Variants in ZSCAN12 observed in about 807,000 individuals in gnomAD.
ZSCAN12 encodes the protein zinc finger and SCAN domain containing 12, also known as zinc finger and SCAN domain-containing protein 12.
ZSCAN12 carries 18 observed loss-of-function variants against 23.4 expected under a neutral mutation model. The observed-to-expected ratio is 0.77, with a 90% confidence interval of 0.53 to 1.14. ZSCAN12 has a LOEUF of 1.14. Among genes scored for constraint, ZSCAN12 ranks in the 50% most tolerant of loss-of-function variants. The pLI is 0.00. For missense variants in ZSCAN12, 650 were observed against 735.0 expected, an observed-to-expected ratio of 0.88 and a Z score of 1.34; for synonymous variants, 186 against 253.4, an observed-to-expected ratio of 0.73 and a Z score of 2.53.
rs1280971850 is a variant in ZSCAN12 at position 28,398,207 on chromosome 6, G to C, written c.199C>G (p.Leu67Val). The C allele has an allele frequency of 6.2e-7, 1 of 1,614,110 alleles. No individual in the cohort carries two copies. Among genetic ancestry groups the C allele is most frequent in the East Asian group, 2.2e-5 (1 of 44,868 alleles). The change falls in exon 2 of 4, where the codon CTC (leucine) becomes GTC (valine). Residue 67 changes from leucine (L) to valine (V), a missense_variant. Transcript: ENST00000684592. ...TSGPREALSR[L>V]RELCHQWLRP... ...AGCCACTGATGGCAAAGTTCTCGGA[G>C]TCGGCTCAAAGCCTCACGGGGACCA... is the stretch of plus-strand genomic sequence containing the variant.
Position 28,398,380 on chromosome 6 carries a change from G to GC in ZSCAN12, c.25dup (p.Ala9GlyfsTer7). The GC allele has an allele frequency of 6.5e-7, 1 of 1,550,026 alleles. No homozygotes were observed. Among genetic ancestry groups the GC allele is most frequent in the Non-Finnish European group, 8.7e-7 (1 of 1,146,046 alleles). ...CAAAGGTTCATCCTGGTCCATGTGGGCCTGGATAGCCCAAGTAGATGCCAT... is the reference window on the plus strand; with the variant it reads ...CAAAGGTTCATCCTGGTCCATGTGGGCCCTGGATAGCCCAAGTAGATGCCAT... On this transcript the variant is annotated frameshift_variant, in exon 2 of 4. Transcript: ENST00000684592. LOFTEE classifies it high-confidence loss of function.
At chr6:28,396,514 A>C (rs1241513169) in intron 2 of ZSCAN12, among the ~76,000 whole-genome samples, 1 of 152,174 alleles carries the variant, frequency 6.6e-6, no homozygotes, top group Non-Finnish European at 1.5e-5. Flanking sequence ...TAATAGAGCT[A>C]ATCTGTCATC....
At chr6:28,397,334 T>TTC (rs36070654) in intron 2 of ZSCAN12, among the ~76,000 whole-genome samples, 34,991 of 152,114 alleles carry the variant, frequency 0.23, 4,813 homozygotes, top group African/African-American at 0.38. Context: ...CATAATTTGG[T>TTC]TCTCTTTTAC....
At chr6:28,382,635 C>G, downstream of ZSCAN12, 1 of 1,548,606 alleles carries the variant, frequency 6.5e-7, no homozygotes, top group Non-Finnish European at 8.7e-7. Flanking sequence ...ACAATGTTAA[C>G]AGAAGCTAAA....
At position 28,391,206 on chromosome 6, in the gene ZSCAN12, C is replaced by T; in HGVS notation, c.1084G>A (p.Asp362Asn). The change falls in exon 4 of 4, where the codon GAC (aspartate) becomes AAC (asparagine). Residue 362 changes from aspartate to asparagine, a missense_variant. By Grantham distance (23) the Asp-to-Asn change is conservative (BLOSUM62 1). Coordinates refer to ENST00000684592, the MANE Select transcript of ZSCAN12 (RefSeq NM_001163391.2). The surrounding 1 kb of genome is among the most constrained non-coding windows in gnomAD (Gnocchi z 4.1). The part of the protein sequence containing the change: ...HTGEKHYHCN[D>N]CGKAFSQKAG... ...TTCTGACTAAAGGCTTTGCCACAGT[C>T]ATTACAGTGATAGTGTTTTTCTCCT... 6.4e-7 allele frequency: 1 copy of T among 1,551,914 alleles called. No individual in the cohort carries two copies. Among genetic ancestry groups the T allele is most frequent in the South Asian group, 1.2e-5 (1 of 84,042 alleles).
intron 2 of ZSCAN12, 58 bp downstream of exon 2, chr6:28,397,946 T>G (rs1581786207): frequency 1.4e-6 from 2 of 1,477,594 alleles, no homozygotes; most frequent in Middle Eastern, 3.6e-4. Context: ...TTCTTCACTC[T>G]GGCCTAGAAA....
rs747713304 is a variant in ZSCAN12 at position 28,391,386 on chromosome 6, A to G, written c.904T>C (p.Tyr302His). The G allele has an allele frequency of 1.3e-6, 2 of 1,551,736 alleles. No individual in the cohort carries two copies. Among genetic ancestry groups the G allele is most frequent in the South Asian group, 2.4e-5 (2 of 84,044 alleles). ...HQRIHTGDRPYKCEECGKAFR... is the reference protein window; with the variant it reads ...HQRIHTGDRPHKCEECGKAFR... ...GCTTTTCCACATTCTTCGCATTTGTAGGGTCTATCTCCAGTATGGATCCTC... is the reference window on the plus strand; with the variant it reads ...GCTTTTCCACATTCTTCGCATTTGTGGGGTCTATCTCCAGTATGGATCCTC... The change falls in exon 4 of 4, where the codon TAC (tyrosine) becomes CAC (histidine). Residue 302 changes from tyrosine (Y) to histidine (H), a missense_variant. By Grantham distance (83) the Tyr-to-His change is moderately conservative (BLOSUM62 2). Coordinates refer to ENST00000684592, the MANE Select transcript of ZSCAN12 (RefSeq NM_001163391.2). The surrounding 1 kb of genome is among the most constrained non-coding windows in gnomAD (Gnocchi z 4.1).
rs1761226427 is a variant in ZSCAN12 at position 28,398,286 on chromosome 6, A to AAC, written c.119_120insGT (p.His40GlnfsTer26). ...AGTACTGACGGAAGACCTCTCTGCT[A>AAC]TGGGTGTTGTTTTTACGCAGGTCCC... On this transcript the variant is annotated frameshift_variant, in exon 2 of 4. Coordinates refer to ENST00000684592, the MANE Select transcript of ZSCAN12 (RefSeq NM_001163391.2). LOFTEE classifies it high-confidence loss of function. 9 of 1,603,382 alleles carry AAC rather than the reference A, an allele frequency of 5.6e-6. No homozygotes were observed. Among genetic ancestry groups the AAC allele is most frequent in the African/African-American group, 1.3e-5 (1 of 74,678 alleles).
In ZSCAN12 at chr6:28,390,819, G is replaced by A. The variant is rs757056623; in HGVS notation, c.1471C>T (p.His491Tyr). ...CATTTATAGGGTCTTTCTCCAGTGT[G>A]AATTCGCTGATGTTCTGTAAGACTT... Reference protein sequence around the residue: ...RTSLTEHQRIHTGERPYKCDK... With the variant: ...RTSLTEHQRIYTGERPYKCDK... Residue 491 changes from histidine (H) to tyrosine (Y), a missense_variant, in exon 4 of 4, where the codon CAC becomes TAC. Physicochemically the swap from His to Tyr is moderately conservative, Grantham distance 83 (BLOSUM62 2). Transcript: ENST00000684592. 2 of 1,597,776 alleles carry A rather than the reference G, an allele frequency of 1.3e-6. No homozygotes were observed. The highest frequency in any genetic ancestry group is 3.5e-5 in the Admixed American group (2 of 57,118).
rs766721965 is a variant in ZSCAN12, at chr6:28,398,135, G to C, written c.271C>G (p.Leu91Val). Residue 91 changes from leucine (L) to valine (V), a missense_variant, in exon 2 of 4, where the codon CTG becomes GTG. By Grantham distance (32) the Leu-to-Val change is conservative (BLOSUM62 1). Coordinates refer to ENST00000684592, the MANE Select transcript of ZSCAN12 (RefSeq NM_001163391.2). Reference protein sequence around the residue: ...TKEQILELLVLEQFLTILPEE... With the variant: ...TKEQILELLVVEQFLTILPEE... Reference sequence around the variant, plus strand: ...GGTAGGATGGTCAGGAACTGCTCCAGCACCAGCAGCTCCAGAATCTGTTCT... The same window carrying C: ...GGTAGGATGGTCAGGAACTGCTCCACCACCAGCAGCTCCAGAATCTGTTCT... 4.3e-6 allele frequency: 7 copies of C among 1,613,972 alleles called. No individual in the cohort carries two copies. Among genetic ancestry groups the C allele is most frequent in the Non-Finnish European group, 5.9e-6 (7 of 1,180,048 alleles).
intron 1 of ZSCAN12, among the ~76,000 whole-genome samples, chr6:28,399,428 C>A (rs1343196678): frequency 3.9e-5 from 6 of 152,206 alleles, no homozygotes; most frequent in African/African-American, 7.2e-5. Context: ...CCGAAGCAAA[C>A]GCGGAAGGTA....
Position 28,398,532 on chromosome 6 carries a change from C to T in ZSCAN12, c.-68-59G>A, listed in dbSNP as rs898195342. The stretch of plus-strand genomic sequence containing the variant: ...CCACCATAAAGTAAAACTGCAAATT[C>T]TGAGAACTTAACTATGACCTTTGAA... On this transcript the variant is annotated intron_variant, in intron 1 of 3. Transcript: ENST00000684592. 4.1e-5 allele frequency: 40 copies of T among 967,492 alleles called. No individual in the cohort carries two copies. The Middle Eastern group carries it at 9.0e-4, about 22-fold the overall frequency. 59.9% of individuals were successfully genotyped at this position (967,492 alleles called of 1,614,324 possible).
chr6:28,393,397 G>C (rs1320131658), intron 2 of ZSCAN12, among the ~76,000 whole-genome samples: 4 of 150,848 alleles, frequency 2.7e-5, no homozygotes, highest in Admixed American at 6.6e-5. Flanking sequence ...ATAGAACTTA[G>C]GGTAAAATAA....
chr6:28,394,553 G>A (rs1025192418), intron 2 of ZSCAN12, among the ~76,000 whole-genome samples: 1 of 152,152 alleles, frequency 6.6e-6, no homozygotes. Flanking sequence ...CCAGTACTGC[G>A]AGCTGTGCCT....
In ZSCAN12 at chr6:28,391,398, C is replaced by T. The variant is rs777602631; in HGVS notation, c.892G>A (p.Gly298Arg). ...HLIEHQRIHT[G>R]DRPYKCEECG... The stretch of plus-strand genomic sequence containing the variant: ...TCTTCGCATTTGTAGGGTCTATCTC[C>T]AGTATGGATCCTCTGATGTTCTATG... The change falls in exon 4 of 4, where the codon GGA becomes AGA. Residue 298 changes from glycine (G) to arginine (R), a missense_variant. Coordinates refer to ENST00000684592, the MANE Select transcript of ZSCAN12 (RefSeq NM_001163391.2). The surrounding 1 kb of genome is among the most constrained non-coding windows in gnomAD (Gnocchi z 4.1). 4 of 1,551,628 alleles carry T rather than the reference C, an allele frequency of 2.6e-6. No individual in the cohort carries two copies. The highest frequency in any genetic ancestry group is 3.5e-6 in the Non-Finnish European group (4 of 1,146,770).
chr6:28,393,727 C>T (rs1482655460), intron 2 of ZSCAN12, among the ~76,000 whole-genome samples: 1 of 117,730 alleles, frequency 8.5e-6, no homozygotes, highest in Admixed American at 9.9e-5. Flanking sequence ...GACAGAGACA[C>T]TGTAGCTCCA....
chr6:28,387,804 G>C lies in ZSCAN12; in HGVS notation c.*2650C>G, dbSNP rs1049062438. ...CTCCTTGGACTCTTGCTGGCGCCCA[G>C]ATGTCTGTGGTCATAGGTCACCTCT... On this transcript the variant is annotated 3_prime_UTR_variant, in exon 4 of 4. Coordinates refer to ENST00000684592, the MANE Select transcript of ZSCAN12 (RefSeq NM_001163391.2). Among the ~76,000 whole-genome samples, 1 of 152,196 alleles carries C rather than the reference G, an allele frequency of 6.6e-6. No individual in the cohort carries two copies. Among genetic ancestry groups the C allele is most frequent in the Non-Finnish European group, 1.5e-5 (1 of 68,030 alleles).
chr6:28,381,202 T>C (rs1426488313), downstream of ZSCAN12: 1 of 152,192 alleles, frequency 6.6e-6, no homozygotes, highest in Non-Finnish European at 1.5e-5. Context: ...AGGAATATCA[T>C]GAAACCAAGA....
At position 28,398,166 on chromosome 6, in the gene ZSCAN12, G is replaced by T. The variant is rs748113666; in HGVS notation, c.240C>A (p.His80Gln). ...LCHQWLRPETHTKEQILELLV... is the reference protein window; with the variant it reads ...LCHQWLRPETQTKEQILELLV... ...GCAGCTCCAGAATCTGTTCTTTGGT[G>T]TGGGTCTCTGGCCTCAGCCACTGAT... Residue 80 changes from histidine (H) to glutamine (Q), a missense_variant, in exon 2 of 4, where the codon CAC (histidine) becomes CAA (glutamine). Transcript: ENST00000684592. The T allele has an allele frequency of 6.2e-6, 10 of 1,613,930 alleles. No individual in the cohort carries two copies. The highest frequency in any genetic ancestry group is 3.3e-5 in the Admixed American group (2 of 59,992).
Sources: allele counts gnomAD v4.1 joint callset (sites outside exome capture counted in the v4.1 genomes callset), GRCh38; gene constraint gnomAD v4.1.1; non-coding constraint Gnocchi (gnomAD v3.1); transcripts MANE v1.5; gene names NCBI Gene and HGNC (gene_info 2026-07-23, HGNC 2026-07-21).